Variants in ALK observed in about 807,000 individuals in gnomAD.
ALK encodes the protein ALK tyrosine kinase receptor.
ALK carries 74 observed loss-of-function variants against 163.1 expected under a neutral mutation model. The ratio of observed to expected loss-of-function variants is 0.45; its 90% CI spans 0.38 to 0.55. The LOEUF (loss-of-function observed/expected upper bound fraction) is 0.55. Among genes scored for constraint, ALK ranks in the 20% least tolerant of loss-of-function variants. The pLI, the probability that ALK is intolerant of heterozygous loss-of-function variation, is 0.00. For missense variants in ALK, 2,063 were observed against 2,105.3 expected, an observed-to-expected ratio of 0.98 and a Z score of 0.39; for synonymous variants, 960 against 843.2, an observed-to-expected ratio of 1.14 and a Z score of -2.40.
chr2:29,815,580 G>A (rs555070841), intron 1 of ALK, among the ~76,000 whole-genome samples: 44 of 152,244 alleles, frequency 2.9e-4, no homozygotes, highest in Non-Finnish European at 5.7e-4. Context: ...AAGGTCTCTC[G>A]TGTGGGATTC....
chr2:29,520,206 A>G (rs1477645449), intron 4 of ALK, among the ~76,000 whole-genome samples: 1 of 152,208 alleles, frequency 6.6e-6, no homozygotes, highest in Non-Finnish European at 1.5e-5. Context: ...TAAGGCCACA[A>G]ATGGAGATAA....
chr2:29,423,096 TAGC>T (rs767811705), intron 4 of ALK, among the ~76,000 whole-genome samples: 14 of 152,294 alleles, frequency 9.2e-5, no homozygotes, highest in African/African-American at 9.6e-5. Flanking sequence ...TTTTCTCTCT[TAGC>T]AGAAAGAAAG....
chr2:29,214,757 G>T (rs987617087), intron 23 of ALK, among the ~76,000 whole-genome samples: 1 of 152,176 alleles, frequency 6.6e-6, no homozygotes, highest in African/African-American at 2.4e-5. Flanking sequence ...TCCAGAAGGC[G>T]ACATCCCATC....
chr2:29,630,037 A>G (rs4666259), intron 3 of ALK, among the ~76,000 whole-genome samples: 96,809 of 152,116 alleles, frequency 0.64, 31,788 homozygotes, highest in Middle Eastern at 0.73. Context: ...ATTATGCTTT[A>G]AAGGTATTTC....
chr2:29,199,886 A>C (rs1669114684), intron 26 of ALK, among the ~76,000 whole-genome samples: 1 of 152,218 alleles, frequency 6.6e-6, no homozygotes. Flanking sequence ...AAAATTGTAG[A>C]GAACAATAGT....
chr2:29,304,756 C>T (rs1217321620), intron 8 of ALK, among the ~76,000 whole-genome samples: 1 of 152,220 alleles, frequency 6.6e-6, no homozygotes, highest in African/African-American at 2.4e-5. Flanking sequence ...CACTTACCTC[C>T]TCTGAACCTG....
intron 5 of ALK, among the ~76,000 whole-genome samples, chr2:29,358,266 A>G (rs940078885): frequency 1.4e-4 from 22 of 152,348 alleles, no homozygotes; most frequent in African/African-American, 5.1e-4. Context: ...TCCTCTTAAG[A>G]TATTTTACCT....
chr2:29,879,008 ACT>A (rs1348480452), intron 1 of ALK, among the ~76,000 whole-genome samples: 1 of 152,052 alleles, frequency 6.6e-6, no homozygotes, highest in East Asian at 1.9e-4. Flanking sequence ...AAGAAACAGG[ACT>A]GATGCCAGGG....
chr2:29,475,451 C>T (rs1403070126), intron 4 of ALK, among the ~76,000 whole-genome samples: 4 of 152,174 alleles, frequency 2.6e-5, no homozygotes, highest in East Asian at 1.9e-4. Context: ...CCATCTTTTC[C>T]CAGAATCCCT....
At chr2:29,812,655 G>C (rs548720634) in intron 1 of ALK, among the ~76,000 whole-genome samples, 27 of 152,230 alleles carry the variant, frequency 1.8e-4, no homozygotes, top group African/African-American at 5.8e-4. Context: ...GTGGTGCCTG[G>C]CTCCAGTGAA....
At chr2:29,606,629 C>G (rs1675548828) in intron 3 of ALK, among the ~76,000 whole-genome samples, 1 of 152,188 alleles carries the variant, frequency 6.6e-6, no homozygotes, top group African/African-American at 2.4e-5. Flanking sequence ...GCTTTCAGGC[C>G]TAATCTGGCC....
At chr2:29,603,951 T>TC (rs1045251296) in intron 3 of ALK, among the ~76,000 whole-genome samples, 2 of 152,184 alleles carry the variant, frequency 1.3e-5, no homozygotes, top group African/African-American at 4.8e-5. Context: ...CCCTTTTTTT[T>TC]CCTTCCTATG....
intron 9 of ALK, among the ~76,000 whole-genome samples, chr2:29,288,010 G>T (rs1665905479): frequency 6.9e-6 from 1 of 144,550 alleles, no homozygotes; most frequent in South Asian, 2.4e-4. Context: ...ACTCAGGTGT[G>T]TTCAGTGCAC....
intron 4 of ALK, among the ~76,000 whole-genome samples, chr2:29,485,254 T>C (rs1036118450): frequency 2.0e-5 from 3 of 152,230 alleles, no homozygotes; most frequent in Admixed American, 6.5e-5. Context: ...TAACCACCAA[T>C]GGATATTCTA....
chr2:29,767,894 T>G (rs1680907262), intron 1 of ALK, among the ~76,000 whole-genome samples: 1 of 152,192 alleles, frequency 6.6e-6, no homozygotes, highest in Non-Finnish European at 1.5e-5. Context: ...CAAGGAACAT[T>G]GTTTGTCTTC....
intron 9 of ALK, among the ~76,000 whole-genome samples, chr2:29,290,092 T>C (rs1013838985): frequency 6.6e-6 from 1 of 152,228 alleles, no homozygotes; most frequent in African/African-American, 2.4e-5. Flanking sequence ...TTTGGAGGTT[T>C]GTACATTTCA....
intron 3 of ALK, among the ~76,000 whole-genome samples, chr2:29,654,761 T>A (rs1677134577): frequency 6.6e-6 from 1 of 152,184 alleles, no homozygotes. Context: ...AGAGTTCTTA[T>A]TTTTAGGCTT....
At chr2:29,213,380 AAATT>A (rs1669513827) in intron 24 of ALK, among the ~76,000 whole-genome samples, 1 of 152,242 alleles carries the variant, frequency 6.6e-6, no homozygotes, top group African/African-American at 2.4e-5. Context: ...ATTTTAGAAA[AAATT>A]AATGTATCCA....
chr2:29,201,230 G>T (rs1052813949), intron 26 of ALK, among the ~76,000 whole-genome samples: 5 of 152,094 alleles, frequency 3.3e-5, no homozygotes, highest in African/African-American at 1.2e-4. Context: ...ATCTCATACA[G>T]TTCTCTGATC....
Sources: gnomAD v4.1 joint callset for allele counts (sites outside exome capture counted in the v4.1 genomes callset) on GRCh38, gnomAD v4.1.1 for gene constraint, MANE v1.5 for transcripts, NCBI Gene and HGNC (gene_info 2026-07-23, HGNC 2026-07-21) for gene names.